LGALS3BP: variants seen among roughly 807,000 people sequenced by gnomAD.
LGALS3BP encodes the protein galectin 3 binding protein.
A neutral mutation model predicts 22.9 loss-of-function variants in LGALS3BP; 25 were observed. The observed-to-expected ratio is 1.09, with a 90% CI of 0.80 to 1.53. The LOEUF is 1.53. Among genes scored for constraint, LGALS3BP ranks in the 40% most tolerant of loss-of-function variants. The pLI is 0.00. For synonymous variants in LGALS3BP, 335 were observed against 331.1 expected, an observed-to-expected ratio of 1.01 and a Z score of -0.13; for missense variants, 718 against 752.0, an observed-to-expected ratio of 0.95 and a Z score of 0.53.
Position 78,971,981 on chromosome 17 carries a change from A to G in LGALS3BP, c.1353T>C (p.Ser451=), listed in dbSNP as rs573805612. 1.2e-6 allele frequency: 2 copies of G among 1,614,132 alleles called. No individual in the cohort carries two copies. The highest frequency in any genetic ancestry group is 2.7e-5 in the African/African-American group (2 of 75,038). The change falls in exon 6 of 6, where the codon TCT becomes TCC. Residue 451 remains serine, a synonymous_variant. Transcript: ENST00000262776. This position sits in a 1 kb window ranked among gnomAD's most constrained non-coding sequence, Gnocchi z 5.6. ...KYSSDYFQAP[S]DYRYYPYQSF... Reference sequence around the variant, plus strand: ...ACTGGTAGGGGTAGTATCTGTAGTCAGAGGGGGCTTGGAAGTAATCAGAAG... The same window carrying G: ...ACTGGTAGGGGTAGTATCTGTAGTCGGAGGGGGCTTGGAAGTAATCAGAAG...
At chr17:78,977,435 T>G in intron 1 of LGALS3BP, 1 of 517,298 alleles carries the variant, frequency 1.9e-6, no homozygotes, top group Non-Finnish European at 3.4e-6. Context: ...GAAGGATGTG[T>G]AACACTTGGC....
chr17:78,972,278 G>A lies in LGALS3BP; in HGVS notation c.1056C>T (p.Leu352=), dbSNP rs1285264654. 1 of 1,613,564 alleles carries A rather than the reference G, an allele frequency of 6.2e-7. No homozygotes were observed. ...LVEKIRFPMM[L]PEELFELQFN... is the part of the protein sequence containing the mutation. ...ACTGCAGCTCAAAGAGCTCCTCAGG[G>A]AGCATCATGGGGAAGCGGATCTTCT... The change falls in exon 6 of 6, where the codon CTC becomes CTT. Residue 352 remains leucine (L), a synonymous_variant. Coordinates refer to ENST00000262776, the MANE Select transcript of LGALS3BP (RefSeq NM_005567.4). This position sits in a 1 kb window ranked among gnomAD's most constrained non-coding sequence, Gnocchi z 5.1.
At chr17:78,979,524 G>T (rs924763400) in intron 1 of LGALS3BP, 2 of 152,324 alleles carry the variant, frequency 1.3e-5, no homozygotes, top group African/African-American at 4.8e-5. Context: ...GCCGAGGCGG[G>T]TGGATCACCA....
Position 78,973,686 on chromosome 17 carries a change from G to A in LGALS3BP, c.377-464C>T, listed in dbSNP as rs1475991094. On this transcript the variant is annotated intron_variant, in intron 4 of 5. Transcript: ENST00000262776. The surrounding 1 kb of genome is among the most constrained non-coding windows in gnomAD (Gnocchi z 5.8). ...CGAGCAGCTTCCTGTCGGGGAGAAGGCCTGCAGAAGTCATGGGAGGCTCCC... is the reference window on the plus strand; with the variant it reads ...CGAGCAGCTTCCTGTCGGGGAGAAGACCTGCAGAAGTCATGGGAGGCTCCC... 6.6e-6 allele frequency among the ~76,000 whole-genome samples: 1 copy of A among 152,200 alleles called. No individual in the cohort carries two copies. Among genetic ancestry groups the A allele is most frequent in the East Asian group, 1.9e-4 (1 of 5,184 alleles).
Position 78,977,181 on chromosome 17 carries a change from G to C in LGALS3BP, c.11C>G (p.Pro4Arg). The C allele has an allele frequency of 6.2e-7, 1 of 1,613,252 alleles. No homozygotes were observed. The highest frequency in any genetic ancestry group is 8.5e-7 in the Non-Finnish European group (1 of 1,180,002). The change falls in exon 2 of 6, where the codon CCG (proline) becomes CGG (arginine). Residue 4 changes from proline (P) to arginine (R), a missense_variant. Physicochemically the swap from Pro to Arg is moderately radical, Grantham distance 103. Transcript: ENST00000262776. MTP[P>R]RLFWVWLLVA... ...CAGCAGCCACACCCAGAAGAGCCTC[G>C]GAGGGGTCATGGCCGTGCCTGGATG...
intron 1 of LGALS3BP, among the ~76,000 whole-genome samples, chr17:78,977,635 G>A (rs2070732809): frequency 1.3e-5 from 2 of 152,140 alleles, no homozygotes; most frequent in South Asian, 2.1e-4. Flanking sequence ...TTAAGATCTC[G>A]GCCTTAAGCT....
Position 78,972,229 on chromosome 17 carries a change from G to A in LGALS3BP, c.1105C>T (p.His369Tyr), listed in dbSNP as rs571740898. 64 of 1,613,896 alleles carry A rather than the reference G, an allele frequency of 4.0e-5. 1 individual carries two copies. The South Asian group carries it at 6.3e-4, about 16-fold the overall frequency. Residue 369 changes from histidine (H) to tyrosine (Y), a missense_variant, in exon 6 of 6, where the codon CAC (histidine) becomes TAC (tyrosine). Transcript: ENST00000262776. This position sits in a 1 kb window ranked among gnomAD's most constrained non-coding sequence, Gnocchi z 5.1. The part of the protein sequence containing the change: ...LQFNLSLYWS[H>Y]EALFQKKTLQ... ...GTCTTCTTCTGGAACAGGGCCTCGT[G>A]GCTCCAGTACAGGGACAGGTTGAAC...
Position 78,976,080 on chromosome 17 carries a change from G to C in LGALS3BP, c.129C>G (p.Gly43=), listed in dbSNP as rs1239664835. 1 of 1,610,568 alleles carries C rather than the reference G, an allele frequency of 6.2e-7. No individual in the cohort carries two copies. Among genetic ancestry groups the C allele is most frequent in the Non-Finnish European group, 8.5e-7 (1 of 1,178,990 alleles). ...GGTTGTCACACACAGTGCCCCACTG[G>C]CCTCTGTAGAAGATCTCCACGCGGC... is the stretch of plus-strand genomic sequence containing the variant. ...NQGRVEIFYR[G]QWGTVCDNLW... The change falls in exon 3 of 6, where the codon GGC becomes GGG. Residue 43 remains glycine (G), a synonymous_variant. Coordinates refer to ENST00000262776, the MANE Select transcript of LGALS3BP (RefSeq NM_005567.4). This position sits in a 1 kb window ranked among gnomAD's most constrained non-coding sequence, Gnocchi z 4.6.
intron 3 of LGALS3BP, 150 bp from the exon 4 acceptor site, chr17:78,974,969 A>C: frequency 2.0e-6 from 2 of 989,612 alleles, no homozygotes; most frequent in Non-Finnish European, 1.4e-6. Context: ...ATATTCCAGC[A>C]TGGGCTGGAT....
rs917603099 is a variant in LGALS3BP, at chr17:78,973,942, C to T, written c.377-720G>A. On this transcript the variant is annotated intron_variant, in intron 4 of 5. Coordinates refer to ENST00000262776, the MANE Select transcript of LGALS3BP (RefSeq NM_005567.4). This position sits in a 1 kb window ranked among gnomAD's most constrained non-coding sequence, Gnocchi z 5.8. ...TACCACAGCTCTCCTGCCCCAGGAG[C>T]TTTGGCCGTGCGCCCATGGCCCCGT... Among the ~76,000 whole-genome samples the T allele has an allele frequency of 6.6e-6, 1 of 152,260 alleles. No individual in the cohort carries two copies.
intron 3 of LGALS3BP, 74 bp downstream of exon 3, chr17:78,975,891 A>G: frequency 1.0e-6 from 1 of 976,204 alleles, no homozygotes; most frequent in East Asian, 3.2e-5. Flanking sequence ...GTTTCGTCTT[A>G]GGGGATTTGC....
chr17:78,973,311 A>G lies in LGALS3BP; in HGVS notation c.377-89T>C, dbSNP rs1045304309. 1 of 1,376,746 alleles carries G rather than the reference A, an allele frequency of 7.3e-7. No individual in the cohort carries two copies. The highest frequency in any genetic ancestry group is 9.6e-7 in the Non-Finnish European group (1 of 1,045,326). The allele number at this position is 1,376,746 out of a possible 1,614,324, so 85.3% of individuals were successfully genotyped here. A position where few individuals can be genotyped will look rare whatever the true frequency, so the allele number is the denominator to read the frequency against. On this transcript the variant is annotated intron_variant, in intron 4 of 5. Coordinates refer to ENST00000262776, the MANE Select transcript of LGALS3BP (RefSeq NM_005567.4). The surrounding 1 kb of genome is among the most constrained non-coding windows in gnomAD (Gnocchi z 5.8). ...CAGTGTCTTCATCTGAAAGTGAGGG[A>G]TTTGTGGCTGCCTCATTCACTCTGG...
chr17:78,975,035 G>C (rs1430333498), intron 3 of LGALS3BP: 10 of 585,542 alleles, frequency 1.7e-5, no homozygotes, highest in Non-Finnish European at 2.7e-5. Context: ...AAGCTTACCG[G>C]CTGCTTCAGC....
rs1364573723 is a variant in LGALS3BP at position 78,976,225 on chromosome 17, A to G, written c.53-69T>C. 4.7e-5 allele frequency: 65 copies of G among 1,371,730 alleles called. No homozygotes were observed. Among genetic ancestry groups the G allele is most frequent in the Non-Finnish European group, 6.3e-5 (64 of 1,019,428 alleles). The allele number at this position is 1,371,730 out of a possible 1,614,324, so 85.0% of individuals were successfully genotyped here. A position where few individuals can be genotyped will look rare whatever the true frequency, so the allele number is the denominator to read the frequency against. On this transcript the variant is annotated intron_variant, in intron 2 of 5. Coordinates refer to ENST00000262776, the MANE Select transcript of LGALS3BP (RefSeq NM_005567.4). The surrounding 1 kb of genome is among the most constrained non-coding windows in gnomAD (Gnocchi z 4.6). ...CCCACCGCCCACACCTCCAGGCCCC[A>G]TATGCTGTCCTGGGTCTCCCCTGCT...
Position 78,971,894 on chromosome 17 carries a change from C to T in LGALS3BP, c.1440G>A (p.Leu480=). ...AGCTCTGGATGGTGGGGAGGTAGAC[C>T]AGGGACCAGGACACCCTCTTGTCCT... is the stretch of plus-strand genomic sequence containing the variant. ...LFQDKRVSWS[L]VYLPTIQSCW... Residue 480 remains leucine, a synonymous_variant, in exon 6 of 6, where the codon CTG becomes CTA. Coordinates refer to ENST00000262776, the MANE Select transcript of LGALS3BP (RefSeq NM_005567.4). This position sits in a 1 kb window ranked among gnomAD's most constrained non-coding sequence, Gnocchi z 5.6. 1 of 1,614,132 alleles carries T rather than the reference C, an allele frequency of 6.2e-7. No homozygotes were observed. The highest frequency in any genetic ancestry group is 8.5e-7 in the Non-Finnish European group (1 of 1,180,034).
rs757156465 is a variant in LGALS3BP at position 78,972,246 on chromosome 17, A to T, written c.1088T>A (p.Leu363Gln). Residue 363 changes from leucine to glutamine, a missense_variant, in exon 6 of 6, where the codon CTG becomes CAG. By Grantham distance (113) the Leu-to-Gln change is moderately radical. Transcript: ENST00000262776. The surrounding 1 kb of genome is among the most constrained non-coding windows in gnomAD (Gnocchi z 5.1). ...PEELFELQFNLSLYWSHEALF... is the reference protein window; with the variant it reads ...PEELFELQFNQSLYWSHEALF... ...GGCCTCGTGGCTCCAGTACAGGGACAGGTTGAACTGCAGCTCAAAGAGCTC... is the reference window on the plus strand; with the variant it reads ...GGCCTCGTGGCTCCAGTACAGGGACTGGTTGAACTGCAGCTCAAAGAGCTC... The T allele has an allele frequency of 1.1e-5, 17 of 1,613,552 alleles. No homozygotes were observed. Among genetic ancestry groups the T allele is most frequent in the Non-Finnish European group, 1.4e-5 (17 of 1,179,882 alleles).
chr17:78,974,315 C>T (rs540271891), intron 4 of LGALS3BP, among the ~76,000 whole-genome samples: 22 of 152,388 alleles, frequency 1.4e-4, no homozygotes, highest in South Asian at 6.2e-4. Context: ...GGACTCCCTC[C>T]GCCAGGACGG....
At position 78,976,078 on chromosome 17, in the gene LGALS3BP, TGGCCTCTGTAGAAGATCTCCACGCG is replaced by T; in HGVS notation, c.106_130del (p.Arg36SerfsTer12). The T allele has an allele frequency of 2.5e-6, 4 of 1,610,836 alleles. No individual in the cohort carries two copies. In the South Asian group the frequency reaches 4.4e-5, roughly 18 times the overall value. On this transcript the variant is annotated frameshift_variant, in exon 3 of 6. Transcript: ENST00000262776. LOFTEE classifies it high-confidence loss of function. The surrounding 1 kb of genome is among the most constrained non-coding windows in gnomAD (Gnocchi z 4.6). ...CAGGTTGTCACACACAGTGCCCCAC[TGGCCTCTGTAGAAGATCTCCACGCG>T]GCCCTGGTTGGTGGCGCCCCCATCG...
rs2070717507 is a variant in LGALS3BP, at chr17:78,976,046, G to C, written c.163C>G (p.Leu55Val). 1.6e-5 allele frequency: 25 copies of C among 1,612,592 alleles called. No homozygotes were observed. The highest frequency in any genetic ancestry group is 2.1e-5 in the Non-Finnish European group (25 of 1,179,824). The change falls in exon 3 of 6, where the codon CTG becomes GTG. Residue 55 changes from leucine (L) to valine (V), a missense_variant. Leu to Val is a conservative substitution (Grantham distance 32). Transcript: ENST00000262776. This position sits in a 1 kb window ranked among gnomAD's most constrained non-coding sequence, Gnocchi z 4.6. ...WGTVCDNLWD[L>V]TDASVVCRAL... is the part of the protein sequence containing the mutation. ...CGGCAGACGACGCTGGCATCAGTCA[G>C]GTCCCACAGGTTGTCACACACAGTG...
Sources: gnomAD v4.1 joint callset for allele counts (sites outside exome capture counted in the v4.1 genomes callset) on GRCh38, gnomAD v4.1.1 for gene constraint, Gnocchi (gnomAD v3.1) non-coding constraint, MANE v1.5 for transcripts, NCBI Gene and HGNC (gene_info 2026-07-23, HGNC 2026-07-21) for gene names.